ARHGAP24: variants seen among roughly 807,000 people sequenced by gnomAD.
The protein encoded by ARHGAP24 is rho GTPase-activating protein 24.
ARHGAP24 carries 50 observed loss-of-function variants against 76.4 expected under a neutral mutation model. The observed-to-expected ratio is 0.65, with a 90% CI of 0.52 to 0.83. The LOEUF is 0.83. Among genes scored for constraint, ARHGAP24 ranks in the 40% least tolerant of loss-of-function variants. The probability of loss-of-function intolerance (pLI) is 0.00; values close to 1 mark genes in which losing one functional copy is unlikely to be tolerated. For synonymous variants in ARHGAP24, 345 were observed against 323.3 expected (o/e 1.07, Z -0.72); for missense variants, 930 against 914.2 (o/e 1.02, Z -0.22).
At position 85,849,690 on chromosome 4, in the gene ARHGAP24, C is replaced by T. The variant is rs187945741; in HGVS notation, c.269-73958C>T. On this transcript the variant is annotated intron_variant, in intron 3 of 9. Transcript: ENST00000395184. ...TGCATTTTATTGAAGGCCTTTTCTGCGTCTATTGAGATAATCATGTGGTTT... is the reference window on the plus strand; with the variant it reads ...TGCATTTTATTGAAGGCCTTTTCTGTGTCTATTGAGATAATCATGTGGTTT... Among the ~76,000 whole-genome samples, 346 of 152,216 alleles carry T rather than the reference C, an allele frequency of 2.3e-3. 3 individuals carry two copies. Among genetic ancestry groups the T allele is most frequent in the Middle Eastern group, 6.8e-3 (2 of 294 alleles).
At chr4:85,918,962 T>C (rs1467624360) in intron 3 of ARHGAP24, among the ~76,000 whole-genome samples, 2 of 152,144 alleles carry the variant, frequency 1.3e-5, no homozygotes, top group Non-Finnish European at 2.9e-5. Flanking sequence ...AGTAGTAGTA[T>C]TTAAAGATTA....
At chr4:85,809,645 C>G (rs1250164766) in intron 3 of ARHGAP24, among the ~76,000 whole-genome samples, 1 of 152,160 alleles carries the variant, frequency 6.6e-6, no homozygotes, top group Non-Finnish European at 1.5e-5. Flanking sequence ...ATTTCTGGCT[C>G]ACAGAGCATT....
At chr4:85,751,861 T>A (rs1726277559) in intron 3 of ARHGAP24, among the ~76,000 whole-genome samples, 2 of 152,162 alleles carry the variant, frequency 1.3e-5, no homozygotes, top group Non-Finnish European at 2.9e-5. Flanking sequence ...TCATTTAACC[T>A]CTCCAGTTTG....
chr4:85,666,297 G>T (rs1434613079), intron 2 of ARHGAP24, among the ~76,000 whole-genome samples: 1 of 152,060 alleles, frequency 6.6e-6, no homozygotes, highest in African/African-American at 2.4e-5. Flanking sequence ...CTTTCTTCCA[G>T]TTGATCGCAT....
chr4:85,540,458 G>C (rs1222795966), intron 1 of ARHGAP24, among the ~76,000 whole-genome samples: 1 of 152,150 alleles, frequency 6.6e-6, no homozygotes, highest in Admixed American at 6.5e-5. Context: ...CCCTTGAGAT[G>C]ATACCAGTCT....
intron 2 of ARHGAP24, among the ~76,000 whole-genome samples, chr4:85,615,057 C>G (rs761034381): frequency 2.0e-5 from 3 of 151,924 alleles, no homozygotes; most frequent in Non-Finnish European, 4.4e-5. Flanking sequence ...CAGTTTTTCT[C>G]AAGATGATCC....
chr4:85,757,044 T>C (rs1283227669), intron 3 of ARHGAP24, among the ~76,000 whole-genome samples: 4 of 152,164 alleles, frequency 2.6e-5, no homozygotes, highest in Non-Finnish European at 5.9e-5. Flanking sequence ...TGGAGCACAG[T>C]ATTTCTCTAG....
chr4:85,884,282 C>T (rs1175458804), intron 3 of ARHGAP24, among the ~76,000 whole-genome samples: 1 of 152,152 alleles, frequency 6.6e-6, no homozygotes, highest in Non-Finnish European at 1.5e-5. Flanking sequence ...TTCCAGTCCA[C>T]TTAAACAAGA....
intron 3 of ARHGAP24, among the ~76,000 whole-genome samples, chr4:85,920,235 T>G (rs1328510021): frequency 6.6e-6 from 1 of 152,206 alleles, no homozygotes; most frequent in Non-Finnish European, 1.5e-5. Context: ...ATTTCTACTT[T>G]TGCCTAACAC....
intron 5 of ARHGAP24, among the ~76,000 whole-genome samples, chr4:85,961,071 A>C (rs184342486): frequency 6.6e-6 from 1 of 152,140 alleles, no homozygotes; most frequent in Admixed American, 6.6e-5. Flanking sequence ...AAAGTAGTCC[A>C]AACAGAAAAC....
rs190155286 is a variant in ARHGAP24 at position 85,629,121 on chromosome 4, A to G, written c.180+58400A>G. ...ATTCTGTTGTCTTTATCTTTTGTGA[A>G]TACACTGCAGGATTTTTCTTTGTGG... On this transcript the variant is annotated intron_variant, in intron 2 of 9. Transcript: ENST00000395184. Among the ~76,000 whole-genome samples the G allele has an allele frequency of 1.2e-4, 19 of 152,108 alleles. No homozygotes were observed. In the East Asian group the frequency reaches 3.1e-3, roughly 25 times the overall value.
intron 3 of ARHGAP24, among the ~76,000 whole-genome samples, chr4:85,890,817 A>G (rs919683406): frequency 6.6e-6 from 1 of 152,218 alleles, no homozygotes; most frequent in East Asian, 1.9e-4. Flanking sequence ...ATTTTTAAGC[A>G]GAAAAGTTAT....
At chr4:85,724,442 A>G (rs532620377) in intron 3 of ARHGAP24, among the ~76,000 whole-genome samples, 32 of 150,896 alleles carry the variant, frequency 2.1e-4, no homozygotes, top group Non-Finnish European at 3.5e-4. Flanking sequence ...TGTTACGAAT[A>G]CAGTTTATCC....
At chr4:85,863,138 C>T (rs1265032698) in intron 3 of ARHGAP24, among the ~76,000 whole-genome samples, 3 of 152,048 alleles carry the variant, frequency 2.0e-5, no homozygotes, top group African/African-American at 7.2e-5. Context: ...CCACATTGGC[C>T]TTCTGGTGAT....
chr4:85,716,275 A>C (rs972903317), intron 2 of ARHGAP24, among the ~76,000 whole-genome samples: 19 of 152,112 alleles, frequency 1.2e-4, no homozygotes, highest in African/African-American at 4.6e-4. Context: ...TCTTTTTAAT[A>C]GTAATTTTAG....
At chr4:85,735,264 A>T (rs978381072) in intron 3 of ARHGAP24, among the ~76,000 whole-genome samples, 11 of 151,992 alleles carry the variant, frequency 7.2e-5, no homozygotes, top group East Asian at 1.9e-4. Flanking sequence ...CTGAGTTTAT[A>T]AAAAAAATAA....
intron 2 of ARHGAP24, among the ~76,000 whole-genome samples, chr4:85,688,086 T>G (rs1723496455): frequency 6.6e-6 from 1 of 152,184 alleles, no homozygotes; most frequent in Non-Finnish European, 1.5e-5. Context: ...GTGCTGGAAT[T>G]ATAGGCGTGA....
intron 1 of ARHGAP24, among the ~76,000 whole-genome samples, chr4:85,507,229 A>T (rs187287125): frequency 0.029 from 4,401 of 150,218 alleles, 67 homozygotes; most frequent in Middle Eastern, 0.048. Flanking sequence ...TATTATTATT[A>T]TTTTTTTTTA....
At chr4:85,819,441 T>G (rs998982126) in intron 3 of ARHGAP24, among the ~76,000 whole-genome samples, 1 of 152,104 alleles carries the variant, frequency 6.6e-6, no homozygotes, top group African/African-American at 2.4e-5. Flanking sequence ...TGACTCCCAT[T>G]CCAGTAATTT....
Sources: gnomAD v4.1 joint callset for allele counts (sites outside exome capture counted in the v4.1 genomes callset) on GRCh38, gnomAD v4.1.1 for gene constraint, MANE v1.5 for transcripts, NCBI Gene and HGNC (gene_info 2026-07-23, HGNC 2026-07-21) for gene names.